CFAP221: variants seen among roughly 807,000 people sequenced by gnomAD.
The protein encoded by CFAP221 is cilia- and flagella-associated protein 221.
Under a neutral mutation model 113.1 loss-of-function variants are expected in CFAP221, and 97 were observed. That is an observed-to-expected ratio of 0.86 (90% confidence interval 0.73 to 1.02). The LOEUF (loss-of-function observed/expected upper bound fraction) is 1.02. Among genes scored for constraint, CFAP221 ranks in the 50% least tolerant of loss-of-function variants. CFAP221 has a pLI of 0.00. For missense variants in CFAP221, 1,025 were observed against 1,013.4 expected (o/e 1.01, Z -0.16); for synonymous variants, 331 against 354.4 (o/e 0.93, Z 0.74).
chr2:119,551,100 G>A (rs1023816622), intron 3 of CFAP221, among the ~76,000 whole-genome samples: 1 of 152,254 alleles, frequency 6.6e-6, no homozygotes, highest in Admixed American at 6.5e-5. Flanking sequence ...CCCTTTTATG[G>A]CTGAACAGCA....
Position 119,652,050 on chromosome 2 carries a change from A to C in CFAP221, c.2395A>C (p.Lys799Gln). ...IKVEFPMLNY[K>Q]DIRKEKEVKD... is the part of the protein sequence containing the mutation. ...AGTGGAATTCCCTATGTTGAACTACAAGGACATCAGGAAGGAGAAGTAAGT... is the reference window on the plus strand; with the variant it reads ...AGTGGAATTCCCTATGTTGAACTACCAGGACATCAGGAAGGAGAAGTAAGT... Residue 799 changes from lysine (K) to glutamine (Q), a missense_variant, in exon 23 of 24, where the codon AAG becomes CAG. Physicochemically the swap from Lys to Gln is moderately conservative, Grantham distance 53. Coordinates refer to ENST00000413369, the MANE Select transcript of CFAP221 (RefSeq NM_001271049.2). 6.2e-7 allele frequency: 1 copy of C among 1,611,990 alleles called. No homozygotes were observed. The highest frequency in any genetic ancestry group is 1.1e-5 in the South Asian group (1 of 90,812).
At chr2:119,633,555 A>G (rs1386054593) in intron 19 of CFAP221, among the ~76,000 whole-genome samples, 1 of 151,904 alleles carries the variant, frequency 6.6e-6, no homozygotes, top group Non-Finnish European at 1.5e-5. Flanking sequence ...ATAAATAAAT[A>G]TATAGTCAGC....
At chr2:119,605,121 C>T in intron 10 of CFAP221, 60 bp from the exon 11 acceptor site, 1 of 1,514,818 alleles carries the variant, frequency 6.6e-7, no homozygotes, top group Middle Eastern at 1.7e-4. Context: ...ATGTGTTTTT[C>T]TCTCCGCACA....
chr2:119,652,417 A>C (rs1170003009), intron 23 of CFAP221, among the ~76,000 whole-genome samples: 1 of 152,216 alleles, frequency 6.6e-6, no homozygotes, highest in Non-Finnish European at 1.5e-5. Context: ...TACATAGAAA[A>C]TCTCAAGCCA....
intron 7 of CFAP221, among the ~76,000 whole-genome samples, chr2:119,588,345 G>A (rs1312749377): frequency 1.3e-5 from 2 of 152,130 alleles, no homozygotes; most frequent in Non-Finnish European, 2.9e-5. Flanking sequence ...TCGTAGTGTT[G>A]GAATGAACTC....
chr2:119,583,017 A>G (rs1055849318), intron 6 of CFAP221, among the ~76,000 whole-genome samples: 5 of 152,214 alleles, frequency 3.3e-5, no homozygotes, highest in African/African-American at 1.2e-4. Flanking sequence ...AGATTATCCT[A>G]CCTGCTAAAC....
chr2:119,572,666 G>A, intron 6 of CFAP221: 2 of 673,074 alleles, frequency 3.0e-6, no homozygotes, highest in South Asian at 1.6e-5. Flanking sequence ...CAATTGGTTA[G>A]CGTGCTCTAG....
intron 3 of CFAP221, chr2:119,556,884 T>C (rs934835749): frequency 1.5e-4 from 23 of 152,312 alleles, no homozygotes; most frequent in African/African-American, 5.3e-4. Flanking sequence ...CACTTGACAA[T>C]ATAGATATTA....
intron 6 of CFAP221, among the ~76,000 whole-genome samples, chr2:119,568,507 C>T (rs1681805881): frequency 6.6e-6 from 1 of 152,086 alleles, no homozygotes; most frequent in Non-Finnish European, 1.5e-5. Context: ...CACCTCCCGA[C>T]AGGCCCCAGT....
intron 6 of CFAP221, chr2:119,580,764 G>C (rs1558931481): frequency 6.6e-6 from 1 of 152,308 alleles, no homozygotes; most frequent in Admixed American, 6.5e-5. Context: ...CCACAGGCTT[G>C]CAGGCTCCAG....
intron 19 of CFAP221, among the ~76,000 whole-genome samples, chr2:119,637,180 T>A (rs1467863943): frequency 2.0e-5 from 3 of 152,204 alleles, no homozygotes; most frequent in African/African-American, 7.2e-5. Context: ...CCCTCAGTGG[T>A]CATCGTTGCC....
chr2:119,559,653 G>A lies in CFAP221; in HGVS notation c.241-36G>A, dbSNP rs765466882. ...ATGAGGTGAGTATGCAAATAAAGCCGTGTATTTCCTCTAAATACTTCTTTT... is the reference window on the plus strand; with the variant it reads ...ATGAGGTGAGTATGCAAATAAAGCCATGTATTTCCTCTAAATACTTCTTTT... On this transcript the variant is annotated intron_variant, in intron 3 of 23. Coordinates refer to ENST00000413369, the MANE Select transcript of CFAP221 (RefSeq NM_001271049.2). 3.4e-5 allele frequency: 49 copies of A among 1,444,968 alleles called. 1 individual carries two copies. Among genetic ancestry groups the A allele is most frequent in the Admixed American group, 1.6e-4 (8 of 50,846 alleles). 89.5% of individuals were successfully genotyped at this position (1,444,968 alleles called of 1,614,324 possible).
chr2:119,639,982 C>A, intron 21 of CFAP221, 110 bp downstream of exon 21: 2 of 914,220 alleles, frequency 2.2e-6, no homozygotes, highest in South Asian at 1.7e-5. Flanking sequence ...ACTTTTAAAG[C>A]ATGAGAGAAG....
chr2:119,548,139 T>A (rs1680179322), intron 2 of CFAP221, among the ~76,000 whole-genome samples: 1 of 152,050 alleles, frequency 6.6e-6, no homozygotes, highest in Non-Finnish European at 1.5e-5. Context: ...AATTTTAAAA[T>A]TTTTTGCAGA....
chr2:119,596,301 C>G (rs990338487), intron 7 of CFAP221, among the ~76,000 whole-genome samples: 1 of 152,184 alleles, frequency 6.6e-6, no homozygotes, highest in Non-Finnish European at 1.5e-5. Flanking sequence ...AGGGGGTGCG[C>G]TGCACTTCCT....
In CFAP221 at chr2:119,656,223, T is replaced by C. The variant is rs564939392; in HGVS notation, c.2415-139T>C. 7 of 642,680 alleles carry C rather than the reference T, an allele frequency of 1.1e-5. No homozygotes were observed. In the African/African-American group the frequency reaches 1.1e-4, roughly 10 times the overall value. 39.8% of individuals were successfully genotyped at this position (642,680 alleles called of 1,614,324 possible). A position where few individuals can be genotyped will look rare whatever the true frequency, so the allele number is the denominator to read the frequency against. On this transcript the variant is annotated intron_variant, in intron 23 of 23. Coordinates refer to ENST00000413369, the MANE Select transcript of CFAP221 (RefSeq NM_001271049.2). Reference sequence around the variant, plus strand: ...AGTGTTTTCACTGGTAAGTAAACTATCACTAACTGTGGTGAAAACCTTCTT... The same window carrying C: ...AGTGTTTTCACTGGTAAGTAAACTACCACTAACTGTGGTGAAAACCTTCTT...
chr2:119,594,129 T>TA (rs776167851), intron 7 of CFAP221, among the ~76,000 whole-genome samples: 3 of 152,228 alleles, frequency 2.0e-5, no homozygotes, highest in Non-Finnish European at 4.4e-5. Context: ...AGTGTGTTCT[T>TA]ACATTGCTTT....
chr2:119,573,097 T>C (rs1182426291), intron 6 of CFAP221: 3 of 153,696 alleles, frequency 2.0e-5, no homozygotes, highest in African/African-American at 7.2e-5. Flanking sequence ...CACATGGGAA[T>C]GTGCACTCTT....
chr2:119,548,978 AT>A, intron 2 of CFAP221, 106 bp from the exon 3 acceptor site: 1 of 679,002 alleles, frequency 1.5e-6, no homozygotes, highest in Non-Finnish European at 2.3e-6. Flanking sequence ...CAATTTTCAT[AT>A]GCTTAAAATG....
Sources: allele counts gnomAD v4.1 joint callset (sites outside exome capture counted in the v4.1 genomes callset), GRCh38; gene constraint gnomAD v4.1.1; transcripts MANE v1.5; gene names NCBI Gene and HGNC (gene_info 2026-07-23, HGNC 2026-07-21).